DLGAP2: variants seen among roughly 807,000 people sequenced by gnomAD.
DLGAP2 encodes the protein disks large-associated protein 2.
In DLGAP2, 26 loss-of-function variants were observed where a neutral mutation model predicts 100.3. The ratio of observed to expected loss-of-function variants is 0.26; its 90% CI spans 0.19 to 0.36. The LOEUF is 0.36. DLGAP2 is among the 10% of genes least tolerant of loss of function. The probability of loss-of-function intolerance (pLI) is 1.00; values close to 1 mark genes in which losing one functional copy is unlikely to be tolerated. For synonymous variants in DLGAP2, 886 were observed against 630.1 expected, an observed-to-expected ratio of 1.41 and a Z score of -6.08; for missense variants, 1,858 against 1,453.2, an observed-to-expected ratio of 1.28 and a Z score of -4.53.
chr8:1,183,784 A>G (rs1797442586), intron 2 of DLGAP2, among the ~76,000 whole-genome samples: 1 of 152,222 alleles, frequency 6.6e-6, no homozygotes, highest in Admixed American at 6.5e-5. Context: ...ATAATTCTAA[A>G]CGAAGCTGCA....
intron 2 of DLGAP2, among the ~76,000 whole-genome samples, chr8:1,088,868 C>G (rs1175313710): frequency 7.9e-6 from 1 of 126,124 alleles, no homozygotes; most frequent in African/African-American, 3.1e-5. Flanking sequence ...CTCTCCACCC[C>G]TCATCCAGCA....
intron 2 of DLGAP2, among the ~76,000 whole-genome samples, chr8:1,212,173 T>C (rs1798119440): frequency 6.6e-6 from 1 of 152,222 alleles, no homozygotes; most frequent in South Asian, 2.1e-4. Context: ...AATCCCCACA[T>C]TCCCAAGAGC....
At chr8:1,002,370 C>G (rs925063765) in intron 2 of DLGAP2, 1 of 152,166 alleles carries the variant, frequency 6.6e-6, no homozygotes. Context: ...TAGATGCATG[C>G]TGCAAAAACT....
intron 3 of DLGAP2, among the ~76,000 whole-genome samples, chr8:1,306,930 T>A (rs529480943): frequency 6.6e-6 from 1 of 151,994 alleles, no homozygotes; most frequent in Non-Finnish European, 1.5e-5. Context: ...GAGCTAAACC[T>A]GTAAGACTCT....
intron 4 of DLGAP2, among the ~76,000 whole-genome samples, chr8:1,503,240 T>C (rs1799786618): frequency 6.6e-6 from 1 of 152,144 alleles, no homozygotes; most frequent in African/African-American, 2.4e-5. Context: ...TCTAGAACTT[T>C]TTCCTCTTCT....
intron 2 of DLGAP2, among the ~76,000 whole-genome samples, chr8:1,005,626 C>T (rs905067913): frequency 2.0e-5 from 3 of 150,320 alleles, no homozygotes; most frequent in African/African-American, 7.3e-5. Flanking sequence ...CAATTTGTTG[C>T]CTAGGCTGGT....
intron 1 of DLGAP2, among the ~76,000 whole-genome samples, chr8:857,108 A>G (rs890757278): frequency 2.6e-5 from 4 of 152,264 alleles, no homozygotes; most frequent in Non-Finnish European, 5.9e-5. Context: ...AGGAAAGGCC[A>G]TTCAATGGAG....
intron 6 of DLGAP2, among the ~76,000 whole-genome samples, chr8:1,571,745 G>C (rs1802699339): frequency 7.6e-6 from 1 of 132,164 alleles, no homozygotes; most frequent in Non-Finnish European, 1.6e-5. Context: ...ATGGAGAGGA[G>C]AGAGGGTGAA....
intron 2 of DLGAP2, among the ~76,000 whole-genome samples, chr8:994,254 G>A (rs148653042): frequency 0.017 from 2,632 of 152,286 alleles, 35 homozygotes; most frequent in Non-Finnish European, 0.027. Flanking sequence ...AGGCTGGAGT[G>A]CAGTGGCGCG....
intron 2 of DLGAP2, among the ~76,000 whole-genome samples, chr8:1,176,427 T>G (rs1489459179): frequency 1.3e-5 from 2 of 152,170 alleles, no homozygotes; most frequent in East Asian, 1.9e-4. Context: ...ATCTACACTT[T>G]GGGTGTTTGT....
chr8:894,717 G>A (rs1232764636), intron 1 of DLGAP2, among the ~76,000 whole-genome samples: 3 of 143,896 alleles, frequency 2.1e-5, no homozygotes, highest in Non-Finnish European at 4.5e-5. Context: ...GGGAAGAGCA[G>A]AGTGGTGGCT....
intron 2 of DLGAP2, among the ~76,000 whole-genome samples, chr8:1,185,834 C>A (rs895082814): frequency 1.3e-5 from 2 of 152,146 alleles, no homozygotes; most frequent in African/African-American, 4.8e-5. Flanking sequence ...AACACAAACA[C>A]ACATTCAGGA....
At chr8:1,443,107 T>C (rs1270969209) in intron 3 of DLGAP2, among the ~76,000 whole-genome samples, 4 of 152,232 alleles carry the variant, frequency 2.6e-5, no homozygotes, top group Admixed American at 1.3e-4. Context: ...ATGGAAAGTA[T>C]GTAGTTAAAA....
At chr8:1,597,889 G>C (rs1020328599) in intron 6 of DLGAP2, among the ~76,000 whole-genome samples, 3 of 152,158 alleles carry the variant, frequency 2.0e-5, no homozygotes, top group Non-Finnish European at 4.4e-5. Context: ...GTCCTGACCA[G>C]AACATCCATC....
chr8:1,484,483 C>T (rs1008904130), intron 3 of DLGAP2, among the ~76,000 whole-genome samples: 1 of 152,220 alleles, frequency 6.6e-6, no homozygotes, highest in South Asian at 2.1e-4. Context: ...GAGCGGTGCC[C>T]GCCGACCCAG....
intron 2 of DLGAP2, among the ~76,000 whole-genome samples, chr8:1,173,386 C>G (rs535626650): frequency 4.2e-4 from 64 of 152,316 alleles, no homozygotes; most frequent in African/African-American, 1.5e-3. Context: ...CAGCTGTGTG[C>G]TAGGAGAACC....
intron 10 of DLGAP2, among the ~76,000 whole-genome samples, chr8:1,672,516 C>T (rs890784783): frequency 1.3e-5 from 2 of 152,236 alleles, no homozygotes; most frequent in African/African-American, 4.8e-5. Flanking sequence ...GCATGAGCCT[C>T]CATGCCCAGC....
intron 6 of DLGAP2, among the ~76,000 whole-genome samples, chr8:1,618,015 C>A (rs1351879121): frequency 1.3e-5 from 2 of 152,198 alleles, no homozygotes; most frequent in African/African-American, 4.8e-5. Context: ...AAGGGTGCAA[C>A]ATTTAACTCC....
intron 1 of DLGAP2, among the ~76,000 whole-genome samples, chr8:751,681 C>T (rs185357594): frequency 1.3e-5 from 2 of 151,798 alleles, no homozygotes; most frequent in East Asian, 3.9e-4. Flanking sequence ...GTTCATCTGA[C>T]ACTTCATAGT....
Sources: gnomAD v4.1 joint callset for allele counts (sites outside exome capture counted in the v4.1 genomes callset) on GRCh38, gnomAD v4.1.1 for gene constraint, MANE v1.5 for transcripts, NCBI Gene and HGNC (gene_info 2026-07-23, HGNC 2026-07-21) for gene names.